The following SPATA17 variants were observed in gnomAD, a reference collection of about 807,000 sequenced individuals.
SPATA17 encodes the protein spermatogenesis-associated protein 17.
Under a neutral mutation model 62.2 loss-of-function variants are expected in SPATA17, and 53 were observed. The observed-to-expected ratio is 0.85, with a 90% CI of 0.68 to 1.07. The LOEUF (loss-of-function observed/expected upper bound fraction) is 1.07, where lower values mean the gene tolerates loss of function less well. SPATA17 is among the 50% of genes least tolerant of loss of function. The pLI, the probability that SPATA17 is intolerant of heterozygous loss-of-function variation, is 0.00. For missense variants in SPATA17, 466 were observed against 425.5 expected, an observed-to-expected ratio of 1.10 and a Z score of -0.84; for synonymous variants, 146 against 146.8, an observed-to-expected ratio of 0.99 and a Z score of 0.04.
At chr1:217,839,277 A>G (rs543872163) in intron 9 of SPATA17, among the ~76,000 whole-genome samples, 41 of 152,176 alleles carry the variant, frequency 2.7e-4, no homozygotes, top group African/African-American at 9.1e-4. Context: ...AGTCTGAGGG[A>G]CCCTGTTTTT....
intron 1 of SPATA17, among the ~76,000 whole-genome samples, chr1:217,640,021 A>G (rs554440162): frequency 6.6e-6 from 1 of 151,528 alleles, no homozygotes; most frequent in East Asian, 1.9e-4. Flanking sequence ...TTGTTCTTGG[A>G]ACAGTCTTTC....
intron 5 of SPATA17, among the ~76,000 whole-genome samples, chr1:217,690,240 T>G (rs1378236324): frequency 6.6e-6 from 1 of 152,160 alleles, no homozygotes; most frequent in South Asian, 2.1e-4. Flanking sequence ...TTTGCATATA[T>G]TAAGCACTCT....
chr1:217,808,354 C>CACACACAA (rs1305095171), intron 9 of SPATA17, among the ~76,000 whole-genome samples: 1 of 91,066 alleles, frequency 1.1e-5, no homozygotes, highest in East Asian at 2.5e-4. Context: ...AATACACACA[C>CACACACAA]ACACACACAC....
intron 9 of SPATA17, among the ~76,000 whole-genome samples, chr1:217,854,072 A>G (rs904591367): frequency 6.6e-6 from 1 of 152,164 alleles, no homozygotes; most frequent in African/African-American, 2.4e-5. Context: ...GACATACAGA[A>G]ATTGGAAGTG....
At chr1:217,700,895 C>T (rs1274520213) in intron 5 of SPATA17, among the ~76,000 whole-genome samples, 6 of 151,002 alleles carry the variant, frequency 4.0e-5, no homozygotes, top group Non-Finnish European at 8.8e-5. Context: ...TATGAGGCAC[C>T]GCACCCAGAC....
At chr1:217,738,242 TCTC>T (rs770756426) in intron 5 of SPATA17, among the ~76,000 whole-genome samples, 1 of 152,174 alleles carries the variant, frequency 6.6e-6, no homozygotes, top group Non-Finnish European at 1.5e-5. Context: ...TTCTTTTCTG[TCTC>T]CTATTTTCCA....
intron 2 of SPATA17, among the ~76,000 whole-genome samples, chr1:217,650,846 T>C (rs1020320760): frequency 2.0e-5 from 3 of 152,244 alleles, no homozygotes; most frequent in African/African-American, 7.2e-5. Flanking sequence ...AGAGTAAGTA[T>C]TGAAGAAGAA....
intron 6 of SPATA17, among the ~76,000 whole-genome samples, chr1:217,743,432 A>G (rs61825786): frequency 0.031 from 4,679 of 152,136 alleles, 103 homozygotes; most frequent in Middle Eastern, 0.058. Flanking sequence ...TACTATTAAT[A>G]TCCTTATTTC....
intron 5 of SPATA17, among the ~76,000 whole-genome samples, chr1:217,702,519 T>G (rs1341174276): frequency 6.6e-6 from 1 of 152,230 alleles, no homozygotes; most frequent in Non-Finnish European, 1.5e-5. Context: ...AATATGACCC[T>G]CTATGTATCT....
intron 3 of SPATA17, among the ~76,000 whole-genome samples, chr1:217,654,385 G>A (rs1004781184): frequency 2.6e-5 from 4 of 151,738 alleles, no homozygotes; most frequent in South Asian, 2.1e-4. Flanking sequence ...TCTGCCTCCC[G>A]AAATGCAGGG....
intron 5 of SPATA17, among the ~76,000 whole-genome samples, chr1:217,736,049 T>A (rs1057125998): frequency 6.6e-6 from 1 of 152,096 alleles, no homozygotes; most frequent in Admixed American, 6.5e-5. Flanking sequence ...AAAAATATTT[T>A]ATAGAAATAT....
chr1:217,861,538 T>C (rs1191274072), intron 9 of SPATA17, among the ~76,000 whole-genome samples: 1 of 152,028 alleles, frequency 6.6e-6, no homozygotes, highest in Non-Finnish European at 1.5e-5. Context: ...CAATTTACTA[T>C]TGCAAAAAGT....
intron 10 of SPATA17, among the ~76,000 whole-genome samples, chr1:217,863,144 A>AC (rs1675933539): frequency 7.8e-6 from 1 of 128,784 alleles, no homozygotes; most frequent in Non-Finnish European, 1.6e-5. Context: ...TTTTTTTGAG[A>AC]CAGAGTCTTA....
At chr1:217,824,682 A>T (rs1000594919) in intron 9 of SPATA17, among the ~76,000 whole-genome samples, 1 of 150,932 alleles carries the variant, frequency 6.6e-6, no homozygotes, top group African/African-American at 2.4e-5. Context: ...GTATAAATTC[A>T]TATGTATATA....
intron 5 of SPATA17, among the ~76,000 whole-genome samples, chr1:217,687,969 G>A (rs1246591777): frequency 6.6e-6 from 1 of 152,032 alleles, no homozygotes; most frequent in African/African-American, 2.4e-5. Flanking sequence ...TATAAACTAT[G>A]ATTAGTTATT....
intron 9 of SPATA17, among the ~76,000 whole-genome samples, chr1:217,835,280 T>A (rs1439335726): frequency 6.6e-6 from 1 of 152,174 alleles, no homozygotes; most frequent in East Asian, 1.9e-4. Context: ...GCATTGTTGA[T>A]GTAGTCTGTA....
chr1:217,820,759 A>G (rs1674837634), intron 9 of SPATA17, among the ~76,000 whole-genome samples: 1 of 152,046 alleles, frequency 6.6e-6, no homozygotes, highest in South Asian at 2.1e-4. Flanking sequence ...AAAATTGAAT[A>G]TATTTGGTTC....
intron 6 of SPATA17, among the ~76,000 whole-genome samples, chr1:217,768,647 C>T (rs923178096): frequency 1.3e-5 from 2 of 151,972 alleles, no homozygotes; most frequent in South Asian, 4.2e-4. Flanking sequence ...GCCCCACCAC[C>T]ACACCCAGCT....
chr1:217,667,248 C>T (rs1670720682), intron 3 of SPATA17, among the ~76,000 whole-genome samples: 1 of 151,540 alleles, frequency 6.6e-6, no homozygotes, highest in Admixed American at 6.6e-5. Context: ...GGGGTTTCAC[C>T]ATGTTGGCCA....
Sources: allele counts gnomAD v4.1 joint callset (sites outside exome capture counted in the v4.1 genomes callset), GRCh38; gene constraint gnomAD v4.1.1; transcripts MANE v1.5; gene names NCBI Gene and HGNC (gene_info 2026-07-23, HGNC 2026-07-21).